ACP3: variants seen among roughly 807,000 people sequenced by gnomAD.
The protein encoded by ACP3 is acid phosphatase 3, also known as prostatic acid phosphatase.
Under a neutral mutation model 45.6 loss-of-function variants are expected in ACP3, and 38 were observed. The ratio of observed to expected loss-of-function variants is 0.83; its 90% CI spans 0.64 to 1.09. The LOEUF (loss-of-function observed/expected upper bound fraction) is 1.09, where lower values mean the gene tolerates loss of function less well. Among genes scored for constraint, ACP3 ranks in the 50% least tolerant of loss-of-function variants. The pLI is 0.00. For missense variants in ACP3, 466 were observed against 463.2 expected, an observed-to-expected ratio of 1.01 and a Z score of -0.05; for synonymous variants, 162 against 164.7, an observed-to-expected ratio of 0.98 and a Z score of 0.13.
intron 10 of ACP3, among the ~76,000 whole-genome samples, chr3:132,366,686 G>A (rs556904396): frequency 1.7e-3 from 259 of 152,274 alleles, no homozygotes; most frequent in Middle Eastern, 0.01. Context: ...AACATATCAA[G>A]TATACAATTG....
chr3:132,325,618 A>ACACACACACACACACACACACACACACC (rs1416576821), intron 1 of ACP3, among the ~76,000 whole-genome samples: 2 of 151,550 alleles, frequency 1.3e-5, no homozygotes, highest in African/African-American at 4.9e-5. Flanking sequence ...ACACACACAC[A>ACACACACACACACACACACACACACACC]CCCCTTCCAA....
At position 132,331,706 on chromosome 3, in the gene ACP3, C is replaced by T; in HGVS notation, c.276C>T (p.Phe92=). The T allele has an allele frequency of 6.2e-7, 1 of 1,608,484 alleles. No homozygotes were observed. Among genetic ancestry groups the T allele is most frequent in the Non-Finnish European group, 8.5e-7 (1 of 1,178,630 alleles). ...ATATAAGAAAGAGATATAGAAAATTCTTGAATGAGTCCTATAAACATGAAC... is the reference window on the plus strand; with the variant it reads ...ATATAAGAAAGAGATATAGAAAATTTTTGAATGAGTCCTATAAACATGAAC... ...GEYIRKRYRK[F]LNESYKHEQV... is the part of the protein sequence containing the mutation. Residue 92 remains phenylalanine, a synonymous_variant, in exon 3 of 10, where the codon TTC becomes TTT. Coordinates refer to ENST00000336375, the MANE Select transcript of ACP3 (RefSeq NM_001099.5).
chr3:132,318,835 C>T (rs925574489), intron 1 of ACP3, among the ~76,000 whole-genome samples: 4 of 152,160 alleles, frequency 2.6e-5, no homozygotes, highest in South Asian at 2.1e-4. Context: ...CTGCATCTGC[C>T]GTGCTTGTAA....
At chr3:132,328,474 T>A in intron 2 of ACP3, 112 bp downstream of exon 2, 2 of 764,448 alleles carry the variant, frequency 2.6e-6, no homozygotes, top group Non-Finnish European at 4.2e-6. Context: ...AGGTCAGGAG[T>A]TCGAGACCAG....
At chr3:132,320,291 A>G (rs768976061) in intron 1 of ACP3, among the ~76,000 whole-genome samples, 1 of 152,178 alleles carries the variant, frequency 6.6e-6, no homozygotes, top group African/African-American at 2.4e-5. Flanking sequence ...TTAACTTTAT[A>G]TGGAAAGAAT....
intron 4 of ACP3, among the ~76,000 whole-genome samples, chr3:132,334,184 T>C (rs966543817): frequency 5.9e-5 from 9 of 152,078 alleles, no homozygotes; most frequent in African/African-American, 2.2e-4. Context: ...AGTAATTAAG[T>C]TACACAGAAA....
chr3:132,326,006 G>A (rs957939453), intron 1 of ACP3, among the ~76,000 whole-genome samples: 1 of 152,166 alleles, frequency 6.6e-6, no homozygotes, highest in African/African-American at 2.4e-5. Flanking sequence ...AGGTTGGTGG[G>A]AAGCAATGTA....
chr3:132,360,451 G>T (rs960052763), downstream of ACP3, among the ~76,000 whole-genome samples: 1 of 152,112 alleles, frequency 6.6e-6, no homozygotes, highest in African/African-American at 2.4e-5. Flanking sequence ...TAGAGTAGGG[G>T]TTTCCACCCA....
chr3:132,347,421 G>A (rs1937622054), intron 7 of ACP3, among the ~76,000 whole-genome samples: 1 of 152,096 alleles, frequency 6.6e-6, no homozygotes, highest in South Asian at 2.1e-4. Context: ...GCCATCTTCT[G>A]ACCTTTGCTA....
chr3:132,320,733 C>T (rs1011776248), intron 1 of ACP3, among the ~76,000 whole-genome samples: 22 of 151,434 alleles, frequency 1.5e-4, no homozygotes, highest in African/African-American at 5.3e-4. Flanking sequence ...TCACTGCAAC[C>T]TCCGTCTCCC....
Position 132,356,920 on chromosome 3 carries a change from C to A in ACP3, c.*42C>A. 1 of 1,574,670 alleles carries A rather than the reference C, an allele frequency of 6.4e-7. No homozygotes were observed. The highest frequency in any genetic ancestry group is 1.2e-5 in the South Asian group (1 of 86,890). On this transcript the variant is annotated 3_prime_UTR_variant, in exon 10 of 10. Transcript: ENST00000336375. ...TGTAGAAGGAGTAGCTGCCCTTTCT[C>A]AGGGCAGATGATGCTTTGAGAACAT...
chr3:132,330,968 G>A (rs187798341), intron 2 of ACP3, among the ~76,000 whole-genome samples: 5 of 152,252 alleles, frequency 3.3e-5, no homozygotes, highest in Admixed American at 2.0e-4. Context: ...TCTGATGCAC[G>A]GTAATGGTTG....
downstream of ACP3, among the ~76,000 whole-genome samples, chr3:132,361,950 C>G (rs1024483710): frequency 6.6e-6 from 1 of 152,122 alleles, no homozygotes; most frequent in African/African-American, 2.4e-5. Context: ...CCTTATACTA[C>G]GAAAATGCCC....
downstream of ACP3, among the ~76,000 whole-genome samples, chr3:132,362,529 G>A (rs1938060358): frequency 1.3e-5 from 2 of 152,336 alleles, no homozygotes; most frequent in African/African-American, 2.4e-5. Context: ...ACCTTATGGA[G>A]AGGAGGGGTG....
chr3:132,350,154 G>T, intron 8 of ACP3, 152 bp downstream of exon 8: 1 of 608,968 alleles, frequency 1.6e-6, no homozygotes, highest in Non-Finnish European at 2.9e-6. Context: ...GCATCATTCT[G>T]TCCTTTAAGG....
intron 9 of ACP3, among the ~76,000 whole-genome samples, chr3:132,353,631 G>C (rs1005845505): frequency 7.9e-5 from 12 of 152,218 alleles, no homozygotes; most frequent in African/African-American, 2.9e-4. Context: ...TAGTCAGGGA[G>C]ATCTATTTTG....
chr3:132,333,305 A>G (rs1937434531), intron 4 of ACP3: 1 of 152,624 alleles, frequency 6.6e-6, no homozygotes, highest in Non-Finnish European at 1.5e-5. Flanking sequence ...GTATTTTTAA[A>G]GTAGCAATAG....
At chr3:132,331,406 G>A (rs1452516628) in intron 2 of ACP3, among the ~76,000 whole-genome samples, 3 of 152,206 alleles carry the variant, frequency 2.0e-5, no homozygotes, top group African/African-American at 4.8e-5. Flanking sequence ...CTTACTATGT[G>A]CAAGTCTCTA....
intron 7 of ACP3, among the ~76,000 whole-genome samples, chr3:132,347,842 C>T (rs1559839180): frequency 8.8e-6 from 1 of 114,098 alleles, no homozygotes; most frequent in Admixed American, 9.3e-5. Context: ...GACACACACA[C>T]ATACACACAC....
Sources: gnomAD v4.1 joint callset for allele counts (sites outside exome capture counted in the v4.1 genomes callset) on GRCh38, gnomAD v4.1.1 for gene constraint, MANE v1.5 for transcripts, NCBI Gene and HGNC (gene_info 2026-07-23, HGNC 2026-07-21) for gene names.